Variants in RSPO3 observed in about 807,000 individuals in gnomAD.
RSPO3 encodes the protein R-spondin-3.
Under a neutral mutation model 36.5 loss-of-function variants are expected in RSPO3, and 17 were observed. The observed-to-expected ratio is 0.47, with a 90% CI of 0.32 to 0.70. The LOEUF (loss-of-function observed/expected upper bound fraction) is 0.70. Among genes scored for constraint, RSPO3 ranks in the 30% least tolerant of loss-of-function variants. The probability of loss-of-function intolerance (pLI) is 0.04; values close to 1 mark genes in which losing one functional copy is unlikely to be tolerated. For missense variants in RSPO3, 294 were observed against 322.5 expected (o/e 0.91, Z 0.68); for synonymous variants, 108 against 107.0 (o/e 1.01, Z -0.06).
At chr6:127,151,984 A>C (rs912090656) in intron 3 of RSPO3, among the ~76,000 whole-genome samples, 5 of 152,246 alleles carry the variant, frequency 3.3e-5, no homozygotes, top group African/African-American at 1.2e-4. Context: ...TACCCAGAAA[A>C]AAGGCACATA....
At chr6:127,162,545 A>T (rs982906487) in intron 4 of RSPO3, among the ~76,000 whole-genome samples, 1 of 152,178 alleles carries the variant, frequency 6.6e-6, no homozygotes, top group African/African-American at 2.4e-5. Context: ...AACAGGAAGA[A>T]TAAATAAAAT....
rs986661971 is a variant in RSPO3, at chr6:127,139,561, GA to G, written c.98-9079del. Among the ~76,000 whole-genome samples the G allele has an allele frequency of 5.7e-4, 85 of 148,788 alleles. 1 individual carries two copies. The highest frequency in any genetic ancestry group is 7.7e-4 in the Non-Finnish European group (52 of 67,314). Reference sequence around the variant, plus strand: ...AAAATATATCTTTTTTTTAAGGTTAGAAAAAAAATATTTCTAACCTTAAAAA... The same window carrying G: ...AAAATATATCTTTTTTTTAAGGTTAGAAAAAAATATTTCTAACCTTAAAAA... On this transcript the variant is annotated intron_variant, in intron 1 of 4. Coordinates refer to ENST00000356698, the MANE Select transcript of RSPO3 (RefSeq NM_032784.5).
intron 1 of RSPO3, among the ~76,000 whole-genome samples, chr6:127,132,543 A>G (rs774247956): frequency 6.6e-6 from 1 of 152,104 alleles, no homozygotes; most frequent in Non-Finnish European, 1.5e-5. Flanking sequence ...ATCACATGCC[A>G]GTTCAAATGC....
chr6:127,136,221 T>C (rs1020647228), intron 1 of RSPO3, among the ~76,000 whole-genome samples: 2 of 152,114 alleles, frequency 1.3e-5, no homozygotes, highest in Non-Finnish European at 2.9e-5. Flanking sequence ...ATGTGTTTAA[T>C]AATGGCCTTC....
At chr6:127,182,768 G>A (rs534085976) in intron 4 of RSPO3, among the ~76,000 whole-genome samples, 3 of 151,934 alleles carry the variant, frequency 2.0e-5, no homozygotes, top group East Asian at 1.9e-4. Context: ...ACAGTTATTC[G>A]AAACTCAAGG....
chr6:127,198,607 T>C lies in RSPO3; in HGVS notation c.*2600T>C, dbSNP rs1775560851. Among the ~76,000 whole-genome samples the C allele has an allele frequency of 6.6e-6, 1 of 152,206 alleles. No individual in the cohort carries two copies. The highest frequency in any genetic ancestry group is 6.5e-5 in the Admixed American group (1 of 15,286). On this transcript the variant is annotated 3_prime_UTR_variant, in exon 5 of 5. Transcript: ENST00000356698. ...GAGTGCAGCAACATAAATCTGTTAA[T>C]GTCTGATCAAGCTCCTGCCCTGTTC...
chr6:127,190,018 T>C (rs1421396185), intron 4 of RSPO3, among the ~76,000 whole-genome samples: 2 of 152,190 alleles, frequency 1.3e-5, no homozygotes, highest in Non-Finnish European at 2.9e-5. Context: ...TTGATAATAA[T>C]ATAGGCCTGT....
At chr6:127,189,077 A>G (rs1447199525) in intron 4 of RSPO3, among the ~76,000 whole-genome samples, 1 of 152,164 alleles carries the variant, frequency 6.6e-6, no homozygotes, top group Non-Finnish European at 1.5e-5. Context: ...TAATGGCACA[A>G]ACCACAATTA....
chr6:127,175,072 AT>A (rs1775023963), intron 4 of RSPO3, among the ~76,000 whole-genome samples: 2 of 151,792 alleles, frequency 1.3e-5, no homozygotes, highest in Admixed American at 6.6e-5. Flanking sequence ...CCTTACTTCA[AT>A]GCAAAAACGT....
At chr6:127,194,721 C>T (rs1053572624) in intron 4 of RSPO3, among the ~76,000 whole-genome samples, 3 of 152,324 alleles carry the variant, frequency 2.0e-5, no homozygotes, top group African/African-American at 7.2e-5. Flanking sequence ...TACCTTTTCA[C>T]ATCCAAACCT....
rs1025122008 is a variant in RSPO3 at position 127,153,925 on chromosome 6, C to T, written c.437-1316C>T. Among the ~76,000 whole-genome samples, 3 of 152,132 alleles carry T rather than the reference C, an allele frequency of 2.0e-5. No individual in the cohort carries two copies. In the East Asian group the frequency reaches 5.8e-4, roughly 29 times the overall value. The stretch of plus-strand genomic sequence containing the variant: ...ATAATATTATTAATTGACTTAGTTA[C>T]TCTATTCTTGAATGAAAATTGTAGT... On this transcript the variant is annotated intron_variant, in intron 3 of 4. Transcript: ENST00000356698.
At chr6:127,168,046 AG>A (rs1200551138) in intron 4 of RSPO3, among the ~76,000 whole-genome samples, 2 of 152,172 alleles carry the variant, frequency 1.3e-5, no homozygotes, top group Non-Finnish European at 2.9e-5. Flanking sequence ...AATTGTGAAT[AG>A]TGCTGCAATA....
rs1775533676 is a variant in RSPO3 at position 127,197,281 on chromosome 6, A to G, written c.*1274A>G. The G allele has an allele frequency of 1.1e-6, 1 of 941,262 alleles. No homozygotes were observed. The highest frequency in any genetic ancestry group is 2.6e-5 in the East Asian group (1 of 37,750). 58.3% of individuals were successfully genotyped at this position (941,262 alleles called of 1,614,324 possible). Reference sequence around the variant, plus strand: ...TCTTATTTTAATCAACATTCTAATTATAGACACATGGGCCTCCCTAGCTGA... The same window carrying G: ...TCTTATTTTAATCAACATTCTAATTGTAGACACATGGGCCTCCCTAGCTGA... On this transcript the variant is annotated 3_prime_UTR_variant, in exon 5 of 5. Coordinates refer to ENST00000356698, the MANE Select transcript of RSPO3 (RefSeq NM_032784.5).
intron 1 of RSPO3, among the ~76,000 whole-genome samples, chr6:127,124,043 GT>G (rs1245533994): frequency 2.0e-5 from 3 of 151,852 alleles, no homozygotes; most frequent in Non-Finnish European, 2.9e-5. Context: ...TCTTTTTTTA[GT>G]TGTAATAATT....
chr6:127,187,175 G>A (rs1288779898), intron 4 of RSPO3, among the ~76,000 whole-genome samples: 5 of 152,072 alleles, frequency 3.3e-5, no homozygotes, highest in Admixed American at 3.3e-4. Flanking sequence ...ACATCAATTC[G>A]TTTTTGAGAT....
chr6:127,129,645 C>T (rs1481355421), intron 1 of RSPO3, among the ~76,000 whole-genome samples: 1 of 152,022 alleles, frequency 6.6e-6, no homozygotes, highest in Non-Finnish European at 1.5e-5. Context: ...TGCTTTTTCA[C>T]TAATTTTTTT....
chr6:127,144,594 A>AT (rs1774341874), intron 1 of RSPO3, among the ~76,000 whole-genome samples: 1 of 117,266 alleles, frequency 8.5e-6, no homozygotes, highest in Admixed American at 8.8e-5. Flanking sequence ...AATGTCCCCT[A>AT]TTTTGCATGA....
intron 1 of RSPO3, among the ~76,000 whole-genome samples, chr6:127,119,506 G>T (rs577601903): frequency 1.3e-5 from 2 of 152,300 alleles, no homozygotes; most frequent in African/African-American, 4.8e-5. Context: ...TGCGAGGGGC[G>T]GGCGGACGCG....
intron 4 of RSPO3, among the ~76,000 whole-genome samples, chr6:127,188,608 C>A (rs1427019063): frequency 6.9e-6 from 1 of 145,646 alleles, no homozygotes; most frequent in Admixed American, 6.9e-5. Flanking sequence ...ATATATATAT[C>A]ATACCTCTAT....
Sources: allele counts gnomAD v4.1 joint callset (sites outside exome capture counted in the v4.1 genomes callset), GRCh38; gene constraint gnomAD v4.1.1; transcripts MANE v1.5; gene names NCBI Gene and HGNC (gene_info 2026-07-23, HGNC 2026-07-21).